AGBL1: variants seen among roughly 807,000 people sequenced by gnomAD.
AGBL1 encodes cytosolic carboxypeptidase 4.
AGBL1 carries 130 observed loss-of-function variants against 118.9 expected under a neutral mutation model. The ratio of observed to expected loss-of-function variants is 1.09; its 90% CI spans 0.95 to 1.26. AGBL1 has a LOEUF of 1.26. AGBL1 is among the 50% of genes most tolerant of loss of function. The pLI, the probability that AGBL1 is intolerant of heterozygous loss-of-function variation, is 0.00. For synonymous variants in AGBL1, 555 were observed against 478.9 expected (o/e 1.16, Z -2.08); for missense variants, 1,584 against 1,298.1 (o/e 1.22, Z -3.38).
chr15:86,293,143 A>T (rs2141766825), intron 16 of AGBL1, among the ~76,000 whole-genome samples: 1 of 152,272 alleles, frequency 6.6e-6, no homozygotes, highest in South Asian at 2.1e-4. Context: ...AGATGTCGGG[A>T]TTTGTACTTA....
chr15:86,707,208 C>A (rs2086466068), intron 22 of AGBL1, among the ~76,000 whole-genome samples: 1 of 152,222 alleles, frequency 6.6e-6, no homozygotes, highest in South Asian at 2.1e-4. Context: ...ACTACATCAC[C>A]TTTACATCTG....
At chr15:86,439,955 C>T (rs1403816668) in intron 18 of AGBL1, among the ~76,000 whole-genome samples, 2 of 152,110 alleles carry the variant, frequency 1.3e-5, no homozygotes, top group Admixed American at 6.5e-5. Context: ...TTCATCAGTA[C>T]CCTAGCCAGT....
At chr15:86,768,473 A>C (rs2078127544) in intron 22 of AGBL1, among the ~76,000 whole-genome samples, 1 of 151,466 alleles carries the variant, frequency 6.6e-6, no homozygotes, top group Admixed American at 6.6e-5. Flanking sequence ...CTGGTCTCTT[A>C]TTTTAAATTC....
At chr15:86,755,665 G>A (rs1039711524) in intron 22 of AGBL1, among the ~76,000 whole-genome samples, 1 of 152,044 alleles carries the variant, frequency 6.6e-6, no homozygotes, top group African/African-American at 2.4e-5. Context: ...TTGAGTTCTT[G>A]TCCTGTGCCT....
At chr15:86,657,246 C>G (rs563420506) in intron 21 of AGBL1, among the ~76,000 whole-genome samples, 1 of 152,146 alleles carries the variant, frequency 6.6e-6, no homozygotes, top group African/African-American at 2.4e-5. Context: ...GTACAAGTGC[C>G]GCGGGCTGAC....
intron 15 of AGBL1, among the ~76,000 whole-genome samples, chr15:86,277,996 T>C (rs2079285042): frequency 6.6e-6 from 1 of 152,218 alleles, no homozygotes; most frequent in Admixed American, 6.5e-5. Context: ...ACTGAGTGTA[T>C]GTTTGCACGG....
At chr15:86,825,323 A>G (rs58919172) in intron 22 of AGBL1, among the ~76,000 whole-genome samples, 3,934 of 142,912 alleles carry the variant, frequency 0.028, 193 homozygotes, top group African/African-American at 0.097. Context: ...GGTTTCATCA[A>G]TATTAAACAC....
intron 5 of AGBL1, among the ~76,000 whole-genome samples, chr15:86,187,383 TG>T: frequency 6.6e-6 from 1 of 152,354 alleles, no homozygotes; most frequent in Non-Finnish European, 1.5e-5. Context: ...GAAACTTCTC[TG>T]CCTCATCACC....
At chr15:86,776,763 T>C (rs900845523) in intron 22 of AGBL1, among the ~76,000 whole-genome samples, 1 of 138,470 alleles carries the variant, frequency 7.2e-6, no homozygotes, top group Non-Finnish European at 1.5e-5. Context: ...TGTGTGTGTG[T>C]GTGTGTGTGT....
rs533490694 is a variant in AGBL1, at chr15:86,746,776, C to T, written c.3158+72340C>T. 3.1e-3 allele frequency among the ~76,000 whole-genome samples: 468 copies of T among 152,062 alleles called. 4 individuals carry two copies. Among genetic ancestry groups the T allele is most frequent in the African/African-American group, 0.011 (445 of 41,510 alleles). ...AGGAAATTAGTATGACGCTGGCCCC[C>T]TAAAGACTTCAGTCTATTGGCCGAA... On this transcript the variant is annotated intron_variant, in intron 22 of 22. Transcript: ENST00000614907.
At chr15:86,336,509 G>A (rs1170497446) in intron 17 of AGBL1, among the ~76,000 whole-genome samples, 1 of 152,206 alleles carries the variant, frequency 6.6e-6, no homozygotes, top group African/African-American at 2.4e-5. Context: ...ACTGGAACAA[G>A]GCACTTGTCT....
At chr15:86,677,822 T>C (rs967168635) in intron 22 of AGBL1, among the ~76,000 whole-genome samples, 5 of 152,158 alleles carry the variant, frequency 3.3e-5, no homozygotes, top group African/African-American at 1.2e-4. Context: ...AGTTTAATAA[T>C]TAAAAAGGTG....
At position 86,913,338 on chromosome 15, in the gene AGBL1, T is replaced by G. The variant is rs1046897414; in HGVS notation, c.*6044T>G. ...TGGTTGATGATTTTAGGCTCTACTG[T>G]CACACAGATGTCAAGATGAAGGCCT... On this transcript the variant is annotated 3_prime_UTR_variant, in exon 23 of 23. Coordinates refer to ENST00000614907, the MANE Select transcript of AGBL1 (RefSeq NM_001386094.1). The G allele has an allele frequency of 2.0e-5, 3 of 152,170 alleles. No homozygotes were observed. Among genetic ancestry groups the G allele is most frequent in the African/African-American group, 7.2e-5 (3 of 41,416 alleles). The allele number at this position is 152,170 out of a possible 1,614,324, so 9.4% of individuals were successfully genotyped here.
intron 23 of AGBL1, among the ~76,000 whole-genome samples, chr15:86,958,145 C>T (rs987974110): frequency 3.3e-5 from 5 of 149,408 alleles, no homozygotes; most frequent in African/African-American, 1.2e-4. Flanking sequence ...TTGGAGGCTG[C>T]AGTAAGCTAT....
chr15:86,592,642 T>C (rs1322217432), intron 21 of AGBL1, among the ~76,000 whole-genome samples: 1 of 152,216 alleles, frequency 6.6e-6, no homozygotes, highest in Non-Finnish European at 1.5e-5. Flanking sequence ...TTGAGTGTTC[T>C]TAGAGGAAGG....
intron 22 of AGBL1, among the ~76,000 whole-genome samples, chr15:86,826,271 C>T (rs1435909872): frequency 6.6e-6 from 1 of 152,094 alleles, no homozygotes; most frequent in Non-Finnish European, 1.5e-5. Context: ...GGAGAACTAA[C>T]TGTTGCCAGA....
intron 6 of AGBL1, among the ~76,000 whole-genome samples, chr15:86,237,288 T>C (rs1200776483): frequency 1.3e-5 from 2 of 152,190 alleles, no homozygotes; most frequent in African/African-American, 4.8e-5. Flanking sequence ...TGCCTCTTCC[T>C]CATACACTCA....
At chr15:86,506,686 G>T (rs980155796) in intron 18 of AGBL1, among the ~76,000 whole-genome samples, 1 of 152,074 alleles carries the variant, frequency 6.6e-6, no homozygotes. Context: ...CGATGACAGA[G>T]TGAAAGGAGA....
At chr15:86,389,105 A>T (rs973594088) in intron 17 of AGBL1, among the ~76,000 whole-genome samples, 4 of 152,206 alleles carry the variant, frequency 2.6e-5, no homozygotes, top group Admixed American at 6.5e-5. Flanking sequence ...TATTATTTGC[A>T]GGGGTTAGGA....
Sources: allele counts gnomAD v4.1 joint callset (sites outside exome capture counted in the v4.1 genomes callset), GRCh38; gene constraint gnomAD v4.1.1; transcripts MANE v1.5; gene names NCBI Gene and HGNC (gene_info 2026-07-23, HGNC 2026-07-21).